PDE4D: variants seen among roughly 807,000 people sequenced by gnomAD.
PDE4D encodes 3',5'-cyclic-AMP phosphodiesterase 4D.
PDE4D carries 24 observed loss-of-function variants against 87.4 expected under a neutral mutation model. That is an observed-to-expected ratio of 0.27 (90% CI 0.20 to 0.39). The LOEUF is 0.39. PDE4D is among the 10% of genes least tolerant of loss of function. PDE4D has a pLI of 1.00. For missense variants in PDE4D, 714 were observed against 1,041.0 expected, an observed-to-expected ratio of 0.69 and a Z score of 4.32; for synonymous variants, 384 against 383.2, an observed-to-expected ratio of 1.00 and a Z score of -0.02.
At chr5:59,815,125 G>A (rs948762271) in intron 1 of PDE4D, among the ~76,000 whole-genome samples, 12 of 152,164 alleles carry the variant, frequency 7.9e-5, no homozygotes, top group African/African-American at 2.7e-4. Context: ...AGAAATGAAG[G>A]ATAACAAAAG....
chr5:60,277,570 TC>T lies in PDE4D; in HGVS notation c.-89-91884del, dbSNP rs374007691. On this transcript the variant is annotated intron_variant, in intron 1 of 16. Transcript: ENST00000502484. ...AATGTACTAGCATGAGGGCTGGAGT[TC>T]ATAATATTACATCATATACTGAAAT... Among the ~76,000 whole-genome samples, 639 of 152,220 alleles carry T rather than the reference TC, an allele frequency of 4.2e-3. 10 individuals carry two copies. Among genetic ancestry groups the T allele is most frequent in the African/African-American group, 0.015 (606 of 41,556 alleles).
At chr5:60,516,035 A>G (rs1750788722) in intron 1 of PDE4D, among the ~76,000 whole-genome samples, 1 of 152,256 alleles carries the variant, frequency 6.6e-6, no homozygotes, top group South Asian at 2.1e-4. Flanking sequence ...TATAACACCT[A>G]GTACCTACCA....
intron 1 of PDE4D, among the ~76,000 whole-genome samples, chr5:60,434,438 T>C (rs867731236): frequency 3.7e-5 from 4 of 107,074 alleles, no homozygotes; most frequent in Admixed American, 8.5e-5. Flanking sequence ...AACATGTCTC[T>C]TTTTTTTTTA....
chr5:59,995,742 T>C (rs1391698190), intron 2 of PDE4D, among the ~76,000 whole-genome samples: 2 of 152,212 alleles, frequency 1.3e-5, no homozygotes, highest in African/African-American at 4.8e-5. Context: ...TGTAGGAGAA[T>C]GATTTGCCTG....
intron 1 of PDE4D, among the ~76,000 whole-genome samples, chr5:60,508,708 T>C (rs184513049): frequency 4.8e-4 from 73 of 152,330 alleles, no homozygotes; most frequent in Non-Finnish European, 9.0e-4. Context: ...GGTCACAATA[T>C]TTTCATCACC....
intron 1 of PDE4D, among the ~76,000 whole-genome samples, chr5:59,263,627 T>C (rs1054232003): frequency 1.5e-4 from 23 of 152,128 alleles, no homozygotes; most frequent in African/African-American, 5.5e-4. Context: ...CTTAATTACC[T>C]ATACTTAAGT....
At chr5:60,259,984 T>A (rs137902060) in intron 1 of PDE4D, among the ~76,000 whole-genome samples, 5 of 152,148 alleles carry the variant, frequency 3.3e-5, no homozygotes, top group African/African-American at 1.2e-4. Context: ...TATAGTTGTA[T>A]ACTTTCAGGA....
Position 59,380,620 on chromosome 5 carries a change from G to A in PDE4D, c.456-164652C>T, listed in dbSNP as rs534197151. Reference sequence around the variant, plus strand: ...TAATTGTAGTGTTCTGTTTACAAGAGGTCCTTGACTTAAAAATGTCCTTTT... The same window carrying A: ...TAATTGTAGTGTTCTGTTTACAAGAAGTCCTTGACTTAAAAATGTCCTTTT... On this transcript the variant is annotated intron_variant, in intron 1 of 14. Coordinates refer to ENST00000340635, the MANE Select transcript of PDE4D (RefSeq NM_001104631.2). 2.6e-5 allele frequency among the ~76,000 whole-genome samples: 4 copies of A among 152,166 alleles called. No individual in the cohort carries two copies. In the South Asian group the frequency reaches 8.3e-4, roughly 32 times the overall value.
At chr5:60,460,816 A>C in intron 1 of PDE4D, 2 of 521,206 alleles carry the variant, frequency 3.8e-6, no homozygotes, top group Non-Finnish European at 6.8e-6. Context: ...CTGGTATAAG[A>C]TTTATTGGTT....
chr5:60,398,559 C>T (rs980374827), intron 1 of PDE4D, among the ~76,000 whole-genome samples: 2 of 152,094 alleles, frequency 1.3e-5, no homozygotes, highest in Admixed American at 6.5e-5. Context: ...CCTGGGACAT[C>T]CCTCAGTCCA....
At chr5:59,621,105 G>A (rs1183287369) in intron 1 of PDE4D, among the ~76,000 whole-genome samples, 2 of 151,890 alleles carry the variant, frequency 1.3e-5, no homozygotes, top group African/African-American at 4.8e-5. Flanking sequence ...GCAAGTTAGA[G>A]CTATAAGCCT....
intron 6 of PDE4D, among the ~76,000 whole-genome samples, chr5:59,012,548 G>C (rs1190103802): frequency 6.6e-6 from 1 of 152,154 alleles, no homozygotes; most frequent in Non-Finnish European, 1.5e-5. Flanking sequence ...GATCAGAAGA[G>C]ACAAAGAAGG....
intron 1 of PDE4D, among the ~76,000 whole-genome samples, chr5:60,187,277 A>T (rs1784859675): frequency 6.6e-6 from 1 of 152,178 alleles, no homozygotes; most frequent in Non-Finnish European, 1.5e-5. Flanking sequence ...CACCTCCAGG[A>T]ATTGAATCAC....
rs1454085385 is a variant in PDE4D, at chr5:60,459,849, G to C, written c.-90+28093C>G. The C allele has an allele frequency of 4.1e-4, 250 of 608,310 alleles. 1 individual carries two copies. In the East Asian group the frequency reaches 7.1e-3, roughly 17 times the overall value. 37.7% of individuals were successfully genotyped at this position (608,310 alleles called of 1,614,324 possible). ...AAAGTTGGAACCTATCAGTGTTCTA[G>C]TAATCTTTTCCTTCATCCTTCTCTC... is the stretch of plus-strand genomic sequence containing the variant. On this transcript the variant is annotated intron_variant, in intron 1 of 16. Transcript: ENST00000502484.
At chr5:59,459,132 C>T (rs886996519) in intron 1 of PDE4D, among the ~76,000 whole-genome samples, 1 of 152,128 alleles carries the variant, frequency 6.6e-6, no homozygotes, top group Non-Finnish European at 1.5e-5. Flanking sequence ...AAAGCAGAAA[C>T]ATTTACTCCA....
At chr5:58,976,506 A>G (rs761473729) in intron 12 of PDE4D, 34 bp from the exon 13 acceptor site, 1 of 1,464,406 alleles carries the variant, frequency 6.8e-7, no homozygotes, top group Non-Finnish European at 9.3e-7. Context: ...AAGTTCAGAG[A>G]AAACAGAATT....
chr5:59,694,113 G>A (rs1415968259), intron 1 of PDE4D, among the ~76,000 whole-genome samples: 1 of 152,138 alleles, frequency 6.6e-6, no homozygotes, highest in Non-Finnish European at 1.5e-5. Flanking sequence ...CTTCACCCCT[G>A]TCCAATCCCA....
intron 1 of PDE4D, among the ~76,000 whole-genome samples, chr5:59,827,092 T>G (rs932482157): frequency 6.6e-6 from 1 of 152,108 alleles, no homozygotes; most frequent in Non-Finnish European, 1.5e-5. Context: ...TTTGAACTTA[T>G]GATCAGATAA....
chr5:59,348,250 G>A (rs1779918706), intron 1 of PDE4D, among the ~76,000 whole-genome samples: 2 of 151,954 alleles, frequency 1.3e-5, no homozygotes, highest in Admixed American at 1.3e-4. Flanking sequence ...GAATGATTTG[G>A]CTACATTTTG....
Sources: allele counts gnomAD v4.1 joint callset (sites outside exome capture counted in the v4.1 genomes callset), GRCh38; gene constraint gnomAD v4.1.1; transcripts MANE v1.5; gene names NCBI Gene and HGNC (gene_info 2026-07-23, HGNC 2026-07-21).